NRG2: variants seen among roughly 807,000 people sequenced by gnomAD.
NRG2 encodes pro-neuregulin-2, membrane-bound isoform.
NRG2 carries 27 observed loss-of-function variants against 73.9 expected under a neutral mutation model. That is an observed-to-expected ratio of 0.37 (90% CI 0.27 to 0.50). The LOEUF (loss-of-function observed/expected upper bound fraction) is 0.50. Among genes scored for constraint, NRG2 ranks in the 20% least tolerant of loss-of-function variants. The pLI, the probability that NRG2 is intolerant of heterozygous loss-of-function variation, is 0.96. For missense variants in NRG2, 1,126 were observed against 1,210.1 expected, an observed-to-expected ratio of 0.93 and a Z score of 1.03; for synonymous variants, 532 against 541.0, an observed-to-expected ratio of 0.98 and a Z score of 0.23.
intron 1 of NRG2, among the ~76,000 whole-genome samples, chr5:140,038,167 T>C (rs1432979382): frequency 6.6e-6 from 1 of 151,996 alleles, no homozygotes; most frequent in Non-Finnish European, 1.5e-5. Flanking sequence ...GAAATAAAAT[T>C]AAAATGCCCT....
chr5:139,887,058 A>G lies in NRG2; in HGVS notation c.872+282T>C, dbSNP rs1372071589. On this transcript the variant is annotated intron_variant, in intron 2 of 9. Transcript: ENST00000361474. This position sits in a 1 kb window ranked among gnomAD's most constrained non-coding sequence, Gnocchi z 4.5. ...AGATGAGCAGGGTCTTCCACTGATC[A>G]AGCTGACTGTGACAGTCAAATTGCC... is the stretch of plus-strand genomic sequence containing the variant. 6.6e-6 allele frequency among the ~76,000 whole-genome samples: 1 copy of G among 152,272 alleles called. No homozygotes were observed. Among genetic ancestry groups the G allele is most frequent in the African/African-American group, 2.4e-5 (1 of 41,470 alleles).
chr5:140,013,211 C>T (rs1027945817), intron 1 of NRG2, among the ~76,000 whole-genome samples: 13 of 152,184 alleles, frequency 8.5e-5, no homozygotes, highest in Admixed American at 8.5e-4. Context: ...CTGCCTCTCT[C>T]CTGTTACTGT....
At position 139,852,450 on chromosome 5, in the gene NRG2, G is replaced by C. The variant is rs141561219; in HGVS notation, c.1526C>G (p.Thr509Arg). The change falls in exon 8 of 10, where the codon ACA becomes AGA. Residue 509 changes from threonine (T) to arginine (R), a missense_variant. By Grantham distance (71) the Thr-to-Arg change is moderately conservative. Transcript: ENST00000361474. The surrounding 1 kb of genome is among the most constrained non-coding windows in gnomAD (Gnocchi z 4.4). Reference protein sequence around the residue: ...CSPSHHCSTATPTSSHRHESH... With the variant: ...CSPSHHCSTARPTSSHRHESH... ...TGCCTACCTGTGGCTGGAGGTGGGT[G>C]TGGCTGTGGAGCAGTGGTGAGAAGG... is the stretch of plus-strand genomic sequence containing the variant. 3 of 1,613,898 alleles carry C rather than the reference G, an allele frequency of 1.9e-6. No homozygotes were observed. Among genetic ancestry groups the C allele is most frequent in the Non-Finnish European group, 8.5e-7 (1 of 1,179,914 alleles).
intron 3 of NRG2, among the ~76,000 whole-genome samples, chr5:139,874,427 C>T (rs1460986574): frequency 6.6e-6 from 1 of 152,198 alleles, no homozygotes; most frequent in East Asian, 1.9e-4. Context: ...AACCAAAGTC[C>T]TAGAGGGCAT....
chr5:139,963,842 C>T (rs1755266516), intron 1 of NRG2, among the ~76,000 whole-genome samples: 1 of 152,202 alleles, frequency 6.6e-6, no homozygotes, highest in Non-Finnish European at 1.5e-5. Flanking sequence ...CATGCAGAAC[C>T]TCATCTAGGT....
chr5:140,031,256 A>G (rs1761124827), intron 1 of NRG2, among the ~76,000 whole-genome samples: 1 of 152,226 alleles, frequency 6.6e-6, no homozygotes, highest in Non-Finnish European at 1.5e-5. Flanking sequence ...GAAGGAAGCC[A>G]GGTGGGATGA....
rs1762764313 is a variant in NRG2 at position 139,870,408 on chromosome 5, C to A, written c.1112+1313G>T. Among the ~76,000 whole-genome samples the A allele has an allele frequency of 6.6e-6, 1 of 152,120 alleles. No individual in the cohort carries two copies. Among genetic ancestry groups the A allele is most frequent in the African/African-American group, 2.4e-5 (1 of 41,416 alleles). ...CTGAGGAGGCCAGCCGGGGCAAGAG[C>A]CCCTCGTTACCATGTTGTTAGGTGG... On this transcript the variant is annotated intron_variant, in intron 4 of 9. Coordinates refer to ENST00000361474, the MANE Select transcript of NRG2 (RefSeq NM_004883.3). The surrounding 1 kb of genome is among the most constrained non-coding windows in gnomAD (Gnocchi z 4.4).
chr5:139,914,780 A>G (rs1329536757), intron 1 of NRG2, among the ~76,000 whole-genome samples: 1 of 152,132 alleles, frequency 6.6e-6, no homozygotes, highest in African/African-American at 2.4e-5. Flanking sequence ...CCCACCCACT[A>G]GCTCTGAGGC....
chr5:139,852,085 C>T lies in NRG2; in HGVS notation c.1545-254G>A, dbSNP rs1209451995. Among the ~76,000 whole-genome samples, 1 of 152,208 alleles carries T rather than the reference C, an allele frequency of 6.6e-6. No individual in the cohort carries two copies. The highest frequency in any genetic ancestry group is 2.4e-5 in the African/African-American group (1 of 41,436). On this transcript the variant is annotated intron_variant, in intron 8 of 9. Transcript: ENST00000361474. The surrounding 1 kb of genome is among the most constrained non-coding windows in gnomAD (Gnocchi z 4.4). ...TCTTTCCTTCCTGCAACCAGCCTCC[C>T]CCCAGCCTTACCTTAGACCCCCTGT...
At chr5:139,989,039 A>G (rs1005045426) in intron 1 of NRG2, among the ~76,000 whole-genome samples, 1 of 152,100 alleles carries the variant, frequency 6.6e-6, no homozygotes, top group African/African-American at 2.4e-5. Flanking sequence ...AGATTAAGGT[A>G]CAAGGATGTT....
At chr5:139,884,936 C>A (rs1220203911) in intron 2 of NRG2, among the ~76,000 whole-genome samples, 1 of 151,860 alleles carries the variant, frequency 6.6e-6, no homozygotes, top group Non-Finnish European at 1.5e-5. Context: ...ACCCCCTGGG[C>A]AGACGACAAA....
At chr5:139,995,902 G>A (rs1012537500) in intron 1 of NRG2, among the ~76,000 whole-genome samples, 3 of 152,154 alleles carry the variant, frequency 2.0e-5, no homozygotes, top group Admixed American at 6.5e-5. Context: ...TGTAGTCCTA[G>A]GTACTCAGGA....
At chr5:140,017,403 C>A (rs1759876166) in intron 1 of NRG2, among the ~76,000 whole-genome samples, 1 of 152,084 alleles carries the variant, frequency 6.6e-6, no homozygotes, top group Non-Finnish European at 1.5e-5. Context: ...ACAGACCTCT[C>A]CAACAACTCC....
In NRG2 at chr5:139,887,304, G is replaced by A. The variant is rs755513515; in HGVS notation, c.872+36C>T. 2 of 1,609,132 alleles carry A rather than the reference G, an allele frequency of 1.2e-6. No homozygotes were observed. The highest frequency in any genetic ancestry group is 2.2e-5 in the East Asian group (1 of 44,818). On this transcript the variant is annotated intron_variant, in intron 2 of 9. Coordinates refer to ENST00000361474, the MANE Select transcript of NRG2 (RefSeq NM_004883.3). The surrounding 1 kb of genome is among the most constrained non-coding windows in gnomAD (Gnocchi z 4.5). ...CTCCTTCTCGAGAGGAGGGAGGGCAGCTGCTTGGATGGAGGACAGGCTGGA... is the reference window on the plus strand; with the variant it reads ...CTCCTTCTCGAGAGGAGGGAGGGCAACTGCTTGGATGGAGGACAGGCTGGA...
At chr5:139,968,532 G>C (rs929634814) in intron 1 of NRG2, among the ~76,000 whole-genome samples, 3 of 152,206 alleles carry the variant, frequency 2.0e-5, no homozygotes, top group Non-Finnish European at 4.4e-5. Flanking sequence ...GGATGGGTCA[G>C]AGAGACAGCA....
chr5:140,039,422 G>T (rs1208192803), intron 1 of NRG2, among the ~76,000 whole-genome samples: 1 of 152,108 alleles, frequency 6.6e-6, no homozygotes, highest in Non-Finnish European at 1.5e-5. Context: ...GAAATGCAAA[G>T]ATTTTACTCA....
intron 1 of NRG2, among the ~76,000 whole-genome samples, chr5:140,033,579 G>A (rs60293875): frequency 0.11 from 16,285 of 152,244 alleles, 965 homozygotes; most frequent in South Asian, 0.17. Context: ...ACTCACAAGG[G>A]TGTCTCCACA....
At chr5:139,976,211 C>T (rs112232661) in intron 1 of NRG2, among the ~76,000 whole-genome samples, 1 of 152,150 alleles carries the variant, frequency 6.6e-6, no homozygotes, top group Non-Finnish European at 1.5e-5. Flanking sequence ...CCTGACAAGT[C>T]AGGGTTGTCA....
intron 1 of NRG2, among the ~76,000 whole-genome samples, chr5:140,028,581 C>T (rs936575145): frequency 2.0e-5 from 3 of 152,148 alleles, no homozygotes; most frequent in African/African-American, 4.8e-5. Flanking sequence ...GACCCTGGCT[C>T]CTGAACCTGA....
Sources: allele counts gnomAD v4.1 joint callset (sites outside exome capture counted in the v4.1 genomes callset), GRCh38; gene constraint gnomAD v4.1.1; non-coding constraint Gnocchi (gnomAD v3.1); transcripts MANE v1.5; gene names NCBI Gene and HGNC (gene_info 2026-07-23, HGNC 2026-07-21).